The following CCSER1 variants were observed in gnomAD, a reference collection of about 807,000 sequenced individuals.
CCSER1 encodes coiled-coil serine rich protein 1.
CCSER1 carries 41 observed loss-of-function variants against 82.0 expected under a neutral mutation model. The observed-to-expected ratio is 0.50, with a 90% CI of 0.39 to 0.65. The LOEUF (loss-of-function observed/expected upper bound fraction) is 0.65. CCSER1 is among the 30% of genes least tolerant of loss of function. The pLI is 0.00. For synonymous variants in CCSER1, 414 were observed against 383.9 expected (o/e 1.08, Z -0.92); for missense variants, 1,119 against 1,064.2 (o/e 1.05, Z -0.72).
chr4:90,383,610 C>G (rs543018107), intron 3 of CCSER1, among the ~76,000 whole-genome samples: 9 of 151,894 alleles, frequency 5.9e-5, no homozygotes, highest in Admixed American at 6.6e-5. Context: ...CACACACACA[C>G]GAAGGGAAGC....
Position 91,561,779 on chromosome 4 carries a change from A to AT in CCSER1, c.2218-36784dup, listed in dbSNP as rs1377019142. 2.7e-5 allele frequency among the ~76,000 whole-genome samples: 4 copies of AT among 150,600 alleles called. No individual in the cohort carries two copies. In the South Asian group the frequency reaches 6.3e-4, roughly 24 times the overall value. On this transcript the variant is annotated intron_variant, in intron 10 of 10. Transcript: ENST00000509176. The stretch of plus-strand genomic sequence containing the variant: ...GGATGAAAGCTGTTTCTGCTGCTGA[A>AT]TTTTTTTTTCAGTTTCTTTATAGCT...
At position 90,233,519 on chromosome 4, in the gene CCSER1, C is replaced by T. The variant is rs1035354222; in HGVS notation, c.-41-74725C>T. Among the ~76,000 whole-genome samples, 40 of 151,664 alleles carry T rather than the reference C, an allele frequency of 2.6e-4. 1 individual carries two copies. The highest frequency in any genetic ancestry group is 8.0e-4 in the African/African-American group (33 of 41,242). Reference sequence around the variant, plus strand: ...GGATAGCATGGGGAGATATACCTAACGCTAGATGATGAGTTAGTGGGTGCA... The same window carrying T: ...GGATAGCATGGGGAGATATACCTAATGCTAGATGATGAGTTAGTGGGTGCA... On this transcript the variant is annotated intron_variant, in intron 1 of 10. Coordinates refer to ENST00000509176, the MANE Select transcript of CCSER1 (RefSeq NM_001145065.2).
chr4:90,808,987 T>C (rs1757888634), intron 7 of CCSER1, among the ~76,000 whole-genome samples: 1 of 152,124 alleles, frequency 6.6e-6, no homozygotes, highest in Admixed American at 6.6e-5. Flanking sequence ...ATGGAATCAA[T>C]TTAAGTGCCC....
chr4:91,526,752 G>A lies in CCSER1; in HGVS notation c.2218-71820G>A, dbSNP rs981500981. On this transcript the variant is annotated intron_variant, in intron 10 of 10. Transcript: ENST00000509176. Reference sequence around the variant, plus strand: ...TGGGATTACAGGTGCCCGCCACCACGCCCAGCTAATTTTTTGTATTTTTAG... The same window carrying A: ...TGGGATTACAGGTGCCCGCCACCACACCCAGCTAATTTTTTGTATTTTTAG... Among the ~76,000 whole-genome samples, 24 of 152,114 alleles carry A rather than the reference G, an allele frequency of 1.6e-4. No homozygotes were observed. In the South Asian group the frequency reaches 4.8e-3, roughly 30 times the overall value.
At chr4:91,087,742 A>G (rs1239259868) in intron 10 of CCSER1, among the ~76,000 whole-genome samples, 2 of 152,136 alleles carry the variant, frequency 1.3e-5, no homozygotes, top group Non-Finnish European at 2.9e-5. Context: ...TCTCTAATTC[A>G]TGACCAGAAA....
intron 1 of CCSER1, among the ~76,000 whole-genome samples, chr4:90,138,317 G>A (rs527885760): frequency 6.6e-6 from 1 of 151,926 alleles, no homozygotes; most frequent in Non-Finnish European, 1.5e-5. Context: ...TATGCCTCCC[G>A]AGTAGCTGGG....
chr4:91,028,952 A>G (rs1740731496), intron 9 of CCSER1, among the ~76,000 whole-genome samples: 1 of 152,084 alleles, frequency 6.6e-6, no homozygotes, highest in Non-Finnish European at 1.5e-5. Flanking sequence ...CAGGAGAAGA[A>G]TGAAGTTACT....
At chr4:90,604,252 TC>T (rs1481133093) in intron 5 of CCSER1, among the ~76,000 whole-genome samples, 1 of 152,158 alleles carries the variant, frequency 6.6e-6, no homozygotes, top group African/African-American at 2.4e-5. Context: ...ACAGAAATCT[TC>T]CCTTCTTGGT....
intron 1 of CCSER1, among the ~76,000 whole-genome samples, chr4:90,152,484 G>C (rs1480316726): frequency 6.6e-6 from 1 of 152,132 alleles, no homozygotes; most frequent in Non-Finnish European, 1.5e-5. Context: ...ATATTACAGT[G>C]AGCTTATGTG....
At chr4:90,932,241 C>T (rs150200852) in intron 9 of CCSER1, among the ~76,000 whole-genome samples, 1 of 152,034 alleles carries the variant, frequency 6.6e-6, no homozygotes, top group African/African-American at 2.4e-5. Context: ...TTTCAGAGTA[C>T]TGAAAGCATC....
intron 10 of CCSER1, among the ~76,000 whole-genome samples, chr4:91,339,395 T>A (rs1747542814): frequency 6.6e-6 from 1 of 152,132 alleles, no homozygotes; most frequent in Non-Finnish European, 1.5e-5. Flanking sequence ...TGTTTTTGAA[T>A]CACTTTTTAA....
intron 3 of CCSER1, among the ~76,000 whole-genome samples, chr4:90,350,292 A>G (rs1743196693): frequency 6.6e-6 from 1 of 152,128 alleles, no homozygotes; most frequent in African/African-American, 2.4e-5. Context: ...TGCGAGTGTT[A>G]TAAGAGAATC....
At chr4:90,926,898 C>T (rs1729132489) in intron 9 of CCSER1, among the ~76,000 whole-genome samples, 1 of 151,984 alleles carries the variant, frequency 6.6e-6, no homozygotes, top group Non-Finnish European at 1.5e-5. Flanking sequence ...AGTAGCATTG[C>T]TGCCCATTTC....
intron 10 of CCSER1, among the ~76,000 whole-genome samples, chr4:91,457,199 A>T (rs1756228543): frequency 6.6e-6 from 1 of 152,152 alleles, no homozygotes; most frequent in South Asian, 2.1e-4. Flanking sequence ...TCTCTAGTTT[A>T]CTGTAAAGAA....
intron 10 of CCSER1, among the ~76,000 whole-genome samples, chr4:91,521,907 GGCTTTTGTTGCCATT>G (rs544357170): frequency 5.9e-4 from 90 of 152,182 alleles, no homozygotes; most frequent in African/African-American, 2.1e-3. Flanking sequence ...TGTTAATTTT[GGCTTTTGTTGCCATT>G]GCTTTTGGTG....
chr4:90,184,679 T>C (rs151076762), intron 1 of CCSER1, among the ~76,000 whole-genome samples: 38 of 152,198 alleles, frequency 2.5e-4, no homozygotes, highest in African/African-American at 8.9e-4. Flanking sequence ...AGGTAAAGTG[T>C]TTGCTCAGCC....
chr4:91,083,884 A>G (rs1723081044), intron 9 of CCSER1, among the ~76,000 whole-genome samples: 1 of 152,176 alleles, frequency 6.6e-6, no homozygotes, highest in Non-Finnish European at 1.5e-5. Context: ...CATTTAATAT[A>G]TAATTTGAGT....
At chr4:91,202,774 T>C (rs1736024926) in intron 10 of CCSER1, among the ~76,000 whole-genome samples, 1 of 151,746 alleles carries the variant, frequency 6.6e-6, no homozygotes, top group African/African-American at 2.4e-5. Flanking sequence ...CTCATATATA[T>C]GTGTGCATAT....
intron 10 of CCSER1, among the ~76,000 whole-genome samples, chr4:91,375,515 T>C (rs1322932960): frequency 3.3e-5 from 5 of 149,548 alleles, no homozygotes; most frequent in African/African-American, 1.2e-4. Flanking sequence ...TACTTCACTG[T>C]TGTCTTTTTT....
Sources: gnomAD v4.1 joint callset for allele counts (sites outside exome capture counted in the v4.1 genomes callset) on GRCh38, gnomAD v4.1.1 for gene constraint, MANE v1.5 for transcripts, NCBI Gene and HGNC (gene_info 2026-07-23, HGNC 2026-07-21) for gene names.